Variants in SFXN5 observed in about 807,000 individuals in gnomAD.
The protein encoded by SFXN5 is sideroflexin 5.
Under a neutral mutation model 50.2 loss-of-function variants are expected in SFXN5, and 43 were observed. The ratio of observed to expected loss-of-function variants is 0.86; its 90% CI spans 0.67 to 1.11. SFXN5 has a LOEUF of 1.11. Ranked by LOEUF, SFXN5 falls within the 50% of genes least tolerant of loss-of-function variation. The probability of loss-of-function intolerance (pLI) is 0.00; values close to 1 mark genes in which losing one functional copy is unlikely to be tolerated. For missense variants in SFXN5, 463 were observed against 454.1 expected (o/e 1.02, Z -0.18); for synonymous variants, 203 against 185.8 (o/e 1.09, Z -0.75).
In SFXN5 at chr2:72,992,068, C is replaced by T. The variant is rs1274688044; in HGVS notation, c.535-3720G>A. Among the ~76,000 whole-genome samples the T allele has an allele frequency of 2.6e-5, 4 of 152,328 alleles. No homozygotes were observed. The stretch of plus-strand genomic sequence containing the variant: ...CAGGGCTTCTTGGAAAACCAGGGCT[C>T]AGGCCCCACAGGACATCAGCAACAT... On this transcript the variant is annotated intron_variant, in intron 9 of 13. Transcript: ENST00000272433. The surrounding 1 kb of genome is among the most constrained non-coding windows in gnomAD (Gnocchi z 4.5).
rs183832724 is a variant in SFXN5 at position 72,974,515 on chromosome 2, A to G, written c.626-2830T>C. On this transcript the variant is annotated intron_variant, in intron 10 of 13. Transcript: ENST00000272433. ...AGAAAACCCTAAAAGTCATCTCAGA[A>G]TGATGGTACCTGCCCCCTCCCCAGG... Among the ~76,000 whole-genome samples, 420 of 152,324 alleles carry G rather than the reference A, an allele frequency of 2.8e-3. 8 individuals carry two copies. Among genetic ancestry groups the G allele is most frequent in the Non-Finnish European group, 5.7e-4 (39 of 68,026 alleles).
chr2:72,968,357 C>T (rs1674706906), intron 12 of SFXN5, 91 bp downstream of exon 12: 1 of 1,214,918 alleles, frequency 8.2e-7, no homozygotes, highest in East Asian at 2.5e-5. Flanking sequence ...TTCCTGCCAC[C>T]CCCTCATCTC....
intron 1 of SFXN5, among the ~76,000 whole-genome samples, chr2:73,064,345 T>C (rs1683023584): frequency 6.6e-6 from 1 of 152,218 alleles, no homozygotes; most frequent in Admixed American, 6.5e-5. Context: ...AACCAGGCCA[T>C]ACACCCAGGG....
rs1049792800 is a variant in SFXN5 at position 72,964,082 on chromosome 2, G to A, written c.828-2834C>T. ...CCCACCTTTCTCTTCCCAGTAGGAA[G>A]CCCAGGGACCTTGGCTCTGAAAGTA... On this transcript the variant is annotated intron_variant, in intron 12 of 13. Transcript: ENST00000272433. 6.6e-5 allele frequency among the ~76,000 whole-genome samples: 10 copies of A among 152,310 alleles called. 1 individual carries two copies. The highest frequency in any genetic ancestry group is 6.8e-3 in the Middle Eastern group (2 of 294).
intron 12 of SFXN5, among the ~76,000 whole-genome samples, chr2:72,968,122 A>AAAACAC (rs1390517524): frequency 1.5e-5 from 2 of 137,214 alleles, no homozygotes; most frequent in Non-Finnish European, 3.1e-5. Flanking sequence ...CACACATGAA[A>AAAACAC]ACACACACAC....
chr2:72,971,519 C>A, intron 11 of SFXN5, 51 bp downstream of exon 11: 7 of 1,370,420 alleles, frequency 5.1e-6, no homozygotes, highest in South Asian at 1.2e-5. Flanking sequence ...AGGAAAACCA[C>A]TCCCCTCCCC....
At chr2:72,987,280 T>C (rs1672031599) in intron 10 of SFXN5, among the ~76,000 whole-genome samples, 1 of 151,632 alleles carries the variant, frequency 6.6e-6, no homozygotes, top group Non-Finnish European at 1.5e-5. Context: ...CAGCTAATTT[T>C]TCTATGTTTA....
At chr2:72,954,456 A>G (rs551452617) in intron 13 of SFXN5, among the ~76,000 whole-genome samples, 82 of 152,264 alleles carry the variant, frequency 5.4e-4, no homozygotes, top group South Asian at 4.6e-3. Flanking sequence ...CCAGGAGGGA[A>G]CAGGCCCACA....
At position 72,944,715 on chromosome 2, in the gene SFXN5, A is replaced by AC. The variant is rs1671741624; in HGVS notation, c.*306dup. 1 of 324,968 alleles carries AC rather than the reference A, an allele frequency of 3.1e-6. No homozygotes were observed. The highest frequency in any genetic ancestry group is 4.5e-5 in the Admixed American group (1 of 22,118). The allele number at this position is 324,968 out of a possible 1,614,324, so 20.1% of individuals were successfully genotyped here. On this transcript the variant is annotated 3_prime_UTR_variant, in exon 14 of 14. Transcript: ENST00000272433. The stretch of plus-strand genomic sequence containing the variant: ...CAAAGTATAAAAGGATTCTACTTCT[A>AC]CCCCATGGGCACTCTACAATTTTTC...
At chr2:72,955,415 C>CAAA (rs1559082747) in intron 13 of SFXN5, among the ~76,000 whole-genome samples, 2 of 152,176 alleles carry the variant, frequency 1.3e-5, no homozygotes, top group African/African-American at 4.8e-5. Context: ...GTATGTGCAG[C>CAAA]CCCGTTCCCC....
chr2:72,977,792 T>G (rs1159744039), intron 10 of SFXN5, among the ~76,000 whole-genome samples: 1 of 152,034 alleles, frequency 6.6e-6, no homozygotes, highest in Non-Finnish European at 1.5e-5. Flanking sequence ...CTGCCCAACA[T>G]GGAGAAACCC....
Position 72,971,567 on chromosome 2 carries a change from C to T in SFXN5, c.741+3G>A, listed in dbSNP as rs1352997012. 1 of 1,612,548 alleles carries T rather than the reference C, an allele frequency of 6.2e-7. No individual in the cohort carries two copies. The highest frequency in any genetic ancestry group is 8.5e-7 in the Non-Finnish European group (1 of 1,178,932). On this transcript the variant is annotated splice_donor_region_variant and intron_variant, in intron 11 of 13. Transcript: ENST00000272433. ...CCCCAACCCTGCGAACCCCCAGACC[C>T]ACGTGTCGGGCTGCGATCTTGGAGG...
In SFXN5 at chr2:72,945,124, A is replaced by T; in HGVS notation, c.946-25T>A. ...TCTGTGGAGAGAGAACAGAGAGGAA[A>T]AGTGGGGGAGTGGGAAGGGGCAAAT... On this transcript the variant is annotated intron_variant, in intron 13 of 13. Coordinates refer to ENST00000272433, the MANE Select transcript of SFXN5 (RefSeq NM_144579.3). The surrounding 1 kb of genome is among the most constrained non-coding windows in gnomAD (Gnocchi z 5.8). 1 of 1,609,032 alleles carries T rather than the reference A, an allele frequency of 6.2e-7. No individual in the cohort carries two copies.
chr2:73,067,917 G>A (rs944593594), intron 1 of SFXN5, among the ~76,000 whole-genome samples: 1 of 152,180 alleles, frequency 6.6e-6, no homozygotes, highest in African/African-American at 2.4e-5. Context: ...CCATAAATTG[G>A]AGATCATTGC....
At chr2:73,046,696 A>G (rs763321212) in intron 2 of SFXN5, among the ~76,000 whole-genome samples, 46 of 152,266 alleles carry the variant, frequency 3.0e-4, no homozygotes, top group Admixed American at 5.9e-4. Flanking sequence ...TAGAATAAAA[A>G]AAGTGTATGT....
chr2:73,019,991 G>A (rs375576055), intron 6 of SFXN5: 7 of 457,426 alleles, frequency 1.5e-5, no homozygotes, highest in South Asian at 2.8e-5. Flanking sequence ...GACAGAAAAC[G>A]TGCAGGGAAG....
intron 13 of SFXN5, among the ~76,000 whole-genome samples, chr2:72,955,475 T>TG: frequency 6.6e-6 from 1 of 152,050 alleles, no homozygotes; most frequent in Non-Finnish European, 1.5e-5. Flanking sequence ...GGGACTGCGG[T>TG]GGGGGAGAGC....
chr2:73,052,516 A>T (rs2105993723), intron 2 of SFXN5, among the ~76,000 whole-genome samples: 1 of 152,208 alleles, frequency 6.6e-6, no homozygotes, highest in Non-Finnish European at 1.5e-5. Context: ...CATCAGTATA[A>T]TTATTTATTC....
rs1481540508 is a variant in SFXN5 at position 73,071,680 on chromosome 2, G to C, written c.26C>G (p.Ser9Trp). 4 of 1,613,162 alleles carry C rather than the reference G, an allele frequency of 2.5e-6. No homozygotes were observed. Among genetic ancestry groups the C allele is most frequent in the Non-Finnish European group, 3.4e-6 (4 of 1,179,876 alleles). The change falls in exon 1 of 14, where the codon TCG (serine) becomes TGG (tryptophan). Residue 9 changes from serine (S) to tryptophan (W), a missense_variant. Transcript: ENST00000272433. MADTATTA[S>W]AAAASAASAS... is the part of the protein sequence containing the mutation. ...GCTAGCGGCACTAGCCGCCGCCGCC[G>C]ATGCTGTAGTCGCTGTATCCGCCAT...
Sources: allele counts gnomAD v4.1 joint callset (sites outside exome capture counted in the v4.1 genomes callset), GRCh38; gene constraint gnomAD v4.1.1; non-coding constraint Gnocchi (gnomAD v3.1); transcripts MANE v1.5; gene names NCBI Gene and HGNC (gene_info 2026-07-23, HGNC 2026-07-21).